XYLB: variants seen among roughly 807,000 people sequenced by gnomAD.
XYLB encodes xylulose kinase.
In XYLB, 62 loss-of-function variants were observed where a neutral mutation model predicts 78.7. That is an observed-to-expected ratio of 0.79 (90% CI 0.64 to 0.97). The LOEUF (loss-of-function observed/expected upper bound fraction) is 0.97, where lower values mean the gene tolerates loss of function less well. Ranked by LOEUF, XYLB falls within the 50% of genes least tolerant of loss-of-function variation. XYLB has a pLI of 0.00. For synonymous variants in XYLB, 245 were observed against 247.4 expected (o/e 0.99, Z 0.09); for missense variants, 687 against 676.8 (o/e 1.02, Z -0.17).
the XYLB span, chr3:38,451,771 G>A: frequency 1.3e-5 from 2 of 152,240 alleles, no homozygotes; most frequent in African/African-American, 2.4e-5. Flanking sequence ...AGATTTACGG[G>A]GAAAATGAGG....
intron 17 of XYLB, among the ~76,000 whole-genome samples, chr3:38,397,890 T>C (rs927928312): frequency 2.0e-5 from 3 of 149,640 alleles, no homozygotes; most frequent in African/African-American, 7.3e-5. Context: ...GCAATCTTGG[T>C]TCAATGCAAG....
intron 12 of XYLB, 24 bp downstream of exon 12, chr3:38,375,283 C>T (rs564008376): frequency 6.2e-7 from 1 of 1,605,262 alleles, no homozygotes; most frequent in South Asian, 1.1e-5. Flanking sequence ...TTGGTTGGCA[C>T]CATTCCCTGG....
rs1315477572 is a variant in XYLB, at chr3:38,413,836, CTCTT to C, written c.*824_*827del. 6.6e-6 allele frequency: 1 copy of C among 152,234 alleles called. No individual in the cohort carries two copies. The highest frequency in any genetic ancestry group is 1.5e-5 in the Non-Finnish European group (1 of 68,042). The allele number at this position is 152,234 out of a possible 1,614,324, so 9.4% of individuals were successfully genotyped here. A position where few individuals can be genotyped will look rare whatever the true frequency, so the allele number is the denominator to read the frequency against. On this transcript the variant is annotated 3_prime_UTR_variant, in exon 19 of 19. Transcript: ENST00000207870. ...TCCCTTTTTCTCCCTCATTCCCTCT[CTCTT>C]CTTGCAGTCCACTTGCTGAAGAAGT...
chr3:38,445,428 C>T, the XYLB span, among the ~76,000 whole-genome samples: 1 of 152,098 alleles, frequency 6.6e-6, no homozygotes, highest in East Asian at 1.9e-4. Flanking sequence ...ACTAGAAAAG[C>T]ACCAGAAACA....
At chr3:38,347,337 C>T (rs778765218) in intron 1 of XYLB, among the ~76,000 whole-genome samples, 1 of 152,226 alleles carries the variant, frequency 6.6e-6, no homozygotes, top group African/African-American at 2.4e-5. Context: ...TGCGCACATG[C>T]ACAACCAGTG....
At position 38,346,819 on chromosome 3, in the gene XYLB, C is replaced by G. The variant is rs1027443579; in HGVS notation, c.-50C>G. 20 of 1,464,834 alleles carry G rather than the reference C, an allele frequency of 1.4e-5. No homozygotes were observed. In the African/African-American group the frequency reaches 2.8e-4, roughly 20 times the overall value. The allele number at this position is 1,464,834 out of a possible 1,614,324, so 90.7% of individuals were successfully genotyped here. ...CGCTGGAGCGCGGCGACTATCACGC[C>G]GCGTGGCGGACGGACGGACTGACGG... is the stretch of plus-strand genomic sequence containing the variant. On this transcript the variant is annotated 5_prime_UTR_variant, in exon 1 of 19. Transcript: ENST00000207870.
chr3:38,395,399 A>T (rs1707826896), intron 15 of XYLB, 106 bp from the exon 16 acceptor site: 1 of 974,438 alleles, frequency 1.0e-6, no homozygotes, highest in Non-Finnish European at 1.6e-6. Context: ...AGTGGGAGGC[A>T]TTGGCCCATC....
At chr3:38,382,870 A>G (rs921488194) in intron 15 of XYLB, among the ~76,000 whole-genome samples, 1 of 152,238 alleles carries the variant, frequency 6.6e-6, no homozygotes, top group Non-Finnish European at 1.5e-5. Flanking sequence ...GCAAGCTTAA[A>G]TGCAGAATCA....
the XYLB span, among the ~76,000 whole-genome samples, chr3:38,434,714 A>G: frequency 6.6e-6 from 1 of 152,384 alleles, no homozygotes; most frequent in East Asian, 1.9e-4. Context: ...CCACAATGAC[A>G]ATAAGAGAAA....
intron 13 of XYLB, 59 bp downstream of exon 13, chr3:38,376,291 C>T (rs1286972241): frequency 5.2e-6 from 7 of 1,334,558 alleles, no homozygotes; most frequent in Non-Finnish European, 7.5e-6. Context: ...ACTGGAGGGG[C>T]AGAGCCTGGG....
the XYLB span, among the ~76,000 whole-genome samples, chr3:38,428,385 A>G: frequency 6.6e-6 from 1 of 152,228 alleles, no homozygotes; most frequent in Non-Finnish European, 1.5e-5. Context: ...AATTTTCTAT[A>G]TACTTGTTAT....
rs144298923 is a variant in XYLB, at chr3:38,370,149, C to T, written c.740C>T (p.Pro247Leu). The T allele has an allele frequency of 1.4e-5, 22 of 1,613,932 alleles. No homozygotes were observed. The African/African-American group carries it at 2.7e-4, about 20-fold the overall frequency. ...CCTCATTTAGAGGAGAAGCTTAGCC[C>T]ACCAGTACCATCATGCTCAGTTGTG... ...CAPHLEEKLS[P>L]PVPSCSVVGA... The change falls in exon 9 of 19, where the codon CCA becomes CTA. Residue 247 changes from proline (P) to leucine (L), a missense_variant. Pro to Leu is a moderately conservative substitution (Grantham distance 98). Coordinates refer to ENST00000207870, the MANE Select transcript of XYLB (RefSeq NM_005108.4).
At chr3:38,411,201 TA>T (rs1211025001) in intron 18 of XYLB, among the ~76,000 whole-genome samples, 9 of 152,156 alleles carry the variant, frequency 5.9e-5, no homozygotes. Flanking sequence ...TATGCAGCCA[TA>T]AAAAAGGATG....
intron 15 of XYLB, among the ~76,000 whole-genome samples, chr3:38,381,514 G>A (rs1707144554): frequency 1.3e-5 from 2 of 152,212 alleles, no homozygotes; most frequent in African/African-American, 4.8e-5. Context: ...TGGTGAGCTG[G>A]GCAGAACAGA....
chr3:38,390,714 A>G (rs904502845), intron 15 of XYLB, among the ~76,000 whole-genome samples: 6 of 152,006 alleles, frequency 3.9e-5, no homozygotes, highest in Non-Finnish European at 5.9e-5. Context: ...GTAGGGACAG[A>G]ATCTTTGTTG....
the XYLB span, among the ~76,000 whole-genome samples, chr3:38,443,624 T>C: frequency 6.6e-6 from 1 of 152,188 alleles, no homozygotes; most frequent in East Asian, 1.9e-4. Flanking sequence ...AACACTGAGG[T>C]TGCCATGTTT....
In XYLB at chr3:38,411,756, C is replaced by G. The variant is rs150506926; in HGVS notation, c.1534-1180C>G. 2.0e-3 allele frequency among the ~76,000 whole-genome samples: 305 copies of G among 151,990 alleles called. 1 individual carries two copies. The highest frequency in any genetic ancestry group is 6.8e-3 in the African/African-American group (280 of 41,466). Reference sequence around the variant, plus strand: ...TAAAAGTGGACTATCAACGGTTTTACTAGGCAACATTGCTTATGTAAAAAT... The same window carrying G: ...TAAAAGTGGACTATCAACGGTTTTAGTAGGCAACATTGCTTATGTAAAAAT... On this transcript the variant is annotated intron_variant, in intron 18 of 18. Coordinates refer to ENST00000207870, the MANE Select transcript of XYLB (RefSeq NM_005108.4).
intron 5 of XYLB, 126 bp from the exon 6 acceptor site, chr3:38,365,482 T>G (rs1706203798): frequency 6.7e-7 from 1 of 1,501,802 alleles, no homozygotes; most frequent in African/African-American, 1.4e-5. Flanking sequence ...CCCATGTGTC[T>G]CCAACCAAGG....
chr3:38,372,152 TAGCCC>T (rs1706601170), intron 9 of XYLB, among the ~76,000 whole-genome samples: 2 of 152,190 alleles, frequency 1.3e-5, no homozygotes, highest in Non-Finnish European at 2.9e-5. Flanking sequence ...AGTGCTCAGA[TAGCCC>T]TCCCTGCACT....
Sources: gnomAD v4.1 joint callset for allele counts (sites outside exome capture counted in the v4.1 genomes callset) on GRCh38, gnomAD v4.1.1 for gene constraint, MANE v1.5 for transcripts, NCBI Gene and HGNC (gene_info 2026-07-23, HGNC 2026-07-21) for gene names.